Variants in LONP2 observed in about 807,000 individuals in gnomAD.
The protein encoded by LONP2 is lon peptidase 2, peroxisomal, also known as lon protease homolog 2, peroxisomal.
A neutral mutation model predicts 85.6 loss-of-function variants in LONP2; 60 were observed. That is an observed-to-expected ratio of 0.70 (90% confidence interval 0.57 to 0.87). The LOEUF is 0.87. LONP2 is among the 40% of genes least tolerant of loss of function. The pLI, the probability that LONP2 is intolerant of heterozygous loss-of-function variation, is 0.00. For synonymous variants in LONP2, 395 were observed against 389.7 expected (o/e 1.01, Z -0.16); for missense variants, 860 against 1,063.5 (o/e 0.81, Z 2.66).
chr16:48,331,834 G>A (rs1377139885), intron 11 of LONP2, among the ~76,000 whole-genome samples: 2 of 152,246 alleles, frequency 1.3e-5, no homozygotes, highest in African/African-American at 4.8e-5. Context: ...AAAGTGCTGG[G>A]ATTACAGGCG....
In LONP2 at chr16:48,356,688, T is replaced by C. The variant is rs1413794736; in HGVS notation, c.*4886T>C. On this transcript the variant is annotated 3_prime_UTR_variant, in exon 15 of 15. Coordinates refer to ENST00000285737, the MANE Select transcript of LONP2 (RefSeq NM_031490.5). ...AGAGGAAGGAAATATCAAAAAGGTCTGAATAGACAACAGGCAAATATGGTG... is the reference window on the plus strand; with the variant it reads ...AGAGGAAGGAAATATCAAAAAGGTCCGAATAGACAACAGGCAAATATGGTG... 2.5e-6 allele frequency: 1 copy of C among 392,614 alleles called. No homozygotes were observed. Among genetic ancestry groups the C allele is most frequent in the Non-Finnish European group, 5.1e-6 (1 of 195,036 alleles). The allele number at this position is 392,614 out of a possible 1,614,324, so 24.3% of individuals were successfully genotyped here. A position where few individuals can be genotyped will look rare whatever the true frequency, so the allele number is the denominator to read the frequency against.
intron 8 of LONP2, among the ~76,000 whole-genome samples, chr16:48,282,366 G>A (rs1207723239): frequency 3.5e-5 from 5 of 144,766 alleles, no homozygotes; most frequent in South Asian, 2.2e-4. Context: ...AGCTGAGATC[G>A]CACCATTGCA....
At position 48,348,266 on chromosome 16, in the gene LONP2, T is replaced by A. The variant is rs1288298719; in HGVS notation, c.2313T>A (p.Ile771=). Residue 771 remains isoleucine, a synonymous_variant, in exon 14 of 15, where the codon ATT becomes ATA. Coordinates refer to ENST00000285737, the MANE Select transcript of LONP2 (RefSeq NM_031490.5). ...VRSDVAMTGE[I]TLRGLVLPVG... ...CAGATGTAGCCATGACTGGAGAAAT[T>A]ACACTGAGAGGTCTTGTTCTTCCAG... The A allele has an allele frequency of 1.3e-6, 2 of 1,542,092 alleles. No homozygotes were observed.
At chr16:48,351,559 A>C (rs1254916330) in intron 14 of LONP2, 22 bp from the exon 15 acceptor site, 4 of 1,605,754 alleles carry the variant, frequency 2.5e-6, no homozygotes, top group Non-Finnish European at 3.4e-6. Flanking sequence ...TTAACCCTAA[A>C]AACTTTTTTC....
At chr16:48,301,296 A>C (rs1972798912) in intron 10 of LONP2, among the ~76,000 whole-genome samples, 1 of 152,096 alleles carries the variant, frequency 6.6e-6, no homozygotes. Context: ...GCGAATAACT[A>C]CCTTTTCATG....
chr16:48,264,179 G>GGGTTTTGA (rs1282764983), intron 6 of LONP2, among the ~76,000 whole-genome samples: 1 of 152,172 alleles, frequency 6.6e-6, no homozygotes, highest in Non-Finnish European at 1.5e-5. Flanking sequence ...TCAGGAGACG[G>GGGTTTTGA]GGTTTTGAGA....
intron 7 of LONP2, among the ~76,000 whole-genome samples, chr16:48,275,199 C>T (rs1319138670): frequency 6.6e-6 from 1 of 152,132 alleles, no homozygotes; most frequent in Non-Finnish European, 1.5e-5. Flanking sequence ...TCTCATGATC[C>T]TTATATTAAT....
intron 11 of LONP2, among the ~76,000 whole-genome samples, chr16:48,333,179 A>C (rs918305049): frequency 1.3e-5 from 2 of 152,114 alleles, no homozygotes; most frequent in African/African-American, 4.8e-5. Flanking sequence ...ATTACGTAAT[A>C]TTTTTCGTTA....
chr16:48,296,240 T>C, intron 9 of LONP2, 75 bp downstream of exon 9: 1 of 1,482,156 alleles, frequency 6.7e-7, no homozygotes, highest in Non-Finnish European at 9.2e-7. Context: ...TGCTATGGAG[T>C]TTTGACTAAA....
At chr16:48,244,748 C>T (rs1971255298) in intron 1 of LONP2, 127 bp downstream of exon 1, 4 of 579,688 alleles carry the variant, frequency 6.9e-6, no homozygotes, top group Non-Finnish European at 1.1e-5. Flanking sequence ...GGTTCCGCCT[C>T]TCTGGTGCTA....
intron 1 of LONP2, chr16:48,247,530 G>A (rs974328627): frequency 8.3e-4 from 15 of 18,024 alleles, no homozygotes; most frequent in African/African-American, 2.6e-3. Flanking sequence ...CTTTCTGCAC[G>A]TTAGTGTGCA....
chr16:48,263,699 CA>C (rs1971924270), intron 6 of LONP2, among the ~76,000 whole-genome samples: 1 of 152,216 alleles, frequency 6.6e-6, no homozygotes, highest in African/African-American at 2.4e-5. Flanking sequence ...ATCCTGATTT[CA>C]GTTCCTTTGG....
At chr16:48,315,341 A>C (rs1364295217) in intron 11 of LONP2, among the ~76,000 whole-genome samples, 2 of 152,214 alleles carry the variant, frequency 1.3e-5, no homozygotes, top group Non-Finnish European at 2.9e-5. Context: ...TGTTGCTGTA[A>C]CAGAATACCA....
intron 8 of LONP2, among the ~76,000 whole-genome samples, chr16:48,284,481 C>T (rs1477139025): frequency 6.6e-6 from 1 of 152,156 alleles, no homozygotes; most frequent in African/African-American, 2.4e-5. Flanking sequence ...TCAGCAGCCA[C>T]CACCTGATCA....
chr16:48,297,571 AG>A (rs1018825852), intron 9 of LONP2, among the ~76,000 whole-genome samples: 1 of 152,230 alleles, frequency 6.6e-6, no homozygotes, highest in African/African-American at 2.4e-5. Context: ...CAGCCTCCAA[AG>A]TGCTGGGATT....
At chr16:48,250,351 G>A (rs1234694822) in intron 1 of LONP2, among the ~76,000 whole-genome samples, 4 of 152,006 alleles carry the variant, frequency 2.6e-5, no homozygotes, top group East Asian at 3.9e-4. Flanking sequence ...GCGTGGTGGT[G>A]TGTGCCTGTA....
At position 48,301,822 on chromosome 16, in the gene LONP2, G is replaced by A. The variant is rs1185975015; in HGVS notation, c.1662-1350G>A. ...CCTTGTACAGCCCTTCTGACATTAA[G>A]ATAAAATACTATCAGGTGCTGCACA... On this transcript the variant is annotated intron_variant, in intron 10 of 14. Coordinates refer to ENST00000285737, the MANE Select transcript of LONP2 (RefSeq NM_031490.5). Among the ~76,000 whole-genome samples the A allele has an allele frequency of 2.0e-5, 3 of 152,156 alleles. No individual in the cohort carries two copies. The South Asian group carries it at 6.2e-4, about 32-fold the overall frequency.
chr16:48,361,257 A>C (rs963953122), downstream of LONP2: 2 of 281,726 alleles, frequency 7.1e-6, no homozygotes, highest in African/African-American at 2.2e-5. Flanking sequence ...ACGCAAAAAC[A>C]AACTTTTTCA....
At chr16:48,350,119 C>T (rs1960094316) in intron 14 of LONP2, among the ~76,000 whole-genome samples, 1 of 152,192 alleles carries the variant, frequency 6.6e-6, no homozygotes, top group Non-Finnish European at 1.5e-5. Context: ...GGTGTGGTGG[C>T]TCACGCCTGT....
Sources: gnomAD v4.1 joint callset for allele counts (sites outside exome capture counted in the v4.1 genomes callset) on GRCh38, gnomAD v4.1.1 for gene constraint, MANE v1.5 for transcripts, NCBI Gene and HGNC (gene_info 2026-07-23, HGNC 2026-07-21) for gene names.